OXR1: variants seen among roughly 807,000 people sequenced by gnomAD.
OXR1 encodes the protein oxidation resistance 1.
In OXR1, 41 loss-of-function variants were observed where a neutral mutation model predicts 104.6. The ratio of observed to expected loss-of-function variants is 0.39; its 90% confidence interval spans 0.31 to 0.51. The LOEUF (loss-of-function observed/expected upper bound fraction) is 0.51. OXR1 is among the 20% of genes least tolerant of loss of function. The pLI is 0.77. For synonymous variants in OXR1, 348 were observed against 348.4 expected (o/e 1.00, Z 0.01); for missense variants, 955 against 1,031.9 (o/e 0.93, Z 1.02).
chr8:106,630,076 G>T (rs1003560160), intron 3 of OXR1, among the ~76,000 whole-genome samples: 2 of 152,100 alleles, frequency 1.3e-5, no homozygotes, highest in Admixed American at 6.5e-5. Flanking sequence ...GGGAGATTGT[G>T]GCTTAGCTTT....
At chr8:106,317,806 A>AAC (rs1554622293) in intron 1 of OXR1, among the ~76,000 whole-genome samples, 1 of 151,824 alleles carries the variant, frequency 6.6e-6, no homozygotes, top group African/African-American at 2.4e-5. Flanking sequence ...AAAAAAAAAA[A>AAC]CAAAAAGGAG....
At chr8:106,633,309 C>T (rs1822862519) in intron 3 of OXR1, among the ~76,000 whole-genome samples, 2 of 152,026 alleles carry the variant, frequency 1.3e-5, no homozygotes, top group South Asian at 4.1e-4. Flanking sequence ...AAAAACACTA[C>T]AAAATTATGT....
intron 3 of OXR1, among the ~76,000 whole-genome samples, chr8:106,628,896 G>A (rs3134133): frequency 0.35 from 52,714 of 152,032 alleles, 9,563 homozygotes; most frequent in African/African-American, 0.44. Flanking sequence ...CAGACTCCAA[G>A]GATAATTTTA....
chr8:106,270,952 G>A (rs910104902), intron 1 of OXR1, among the ~76,000 whole-genome samples: 4 of 152,112 alleles, frequency 2.6e-5, no homozygotes, highest in African/African-American at 9.7e-5. Flanking sequence ...AGGCTAGGGG[G>A]CACATCATGA....
At chr8:106,475,028 T>C (rs1240039692) in intron 2 of OXR1, among the ~76,000 whole-genome samples, 1 of 151,916 alleles carries the variant, frequency 6.6e-6, no homozygotes, top group Non-Finnish European at 1.5e-5. Flanking sequence ...AAGGAAAATA[T>C]AGTACTAGTA....
chr8:106,721,943 T>C (rs1016193308), intron 11 of OXR1, among the ~76,000 whole-genome samples: 1 of 152,190 alleles, frequency 6.6e-6, no homozygotes, highest in African/African-American at 2.4e-5. Flanking sequence ...TTTTCACAGC[T>C]ATCATTAAGT....
chr8:106,609,935 GTA>G (rs1820690516), intron 3 of OXR1, among the ~76,000 whole-genome samples: 1 of 152,026 alleles, frequency 6.6e-6, no homozygotes, highest in Admixed American at 6.6e-5. Context: ...TAGGTAAAGA[GTA>G]TATGTTTTTC....
At chr8:106,570,303 A>G (rs1488123404) in intron 3 of OXR1, among the ~76,000 whole-genome samples, 1 of 152,150 alleles carries the variant, frequency 6.6e-6, no homozygotes, top group African/African-American at 2.4e-5. Context: ...TATTTTCTGT[A>G]TTGCATAGTG....
chr8:106,711,343 A>G (rs1318100606), intron 10 of OXR1, among the ~76,000 whole-genome samples: 2 of 152,122 alleles, frequency 1.3e-5, no homozygotes, highest in Admixed American at 6.6e-5. Context: ...GAACTGAAAC[A>G]TTATAACAAC....
intron 2 of OXR1, among the ~76,000 whole-genome samples, chr8:106,488,191 T>C (rs1810822801): frequency 7.1e-6 from 1 of 141,216 alleles, no homozygotes; most frequent in Non-Finnish European, 1.5e-5. Context: ...GAGCATTTTT[T>C]CATGTGTTTT....
chr8:106,542,083 C>T (rs112260981), intron 3 of OXR1, among the ~76,000 whole-genome samples: 66 of 152,240 alleles, frequency 4.3e-4, no homozygotes, highest in Non-Finnish European at 7.8e-4. Context: ...AGCTGTGCTC[C>T]ATGTCACTGC....
Position 106,623,630 on chromosome 8 carries a change from T to C in OXR1, c.221-55580T>C, listed in dbSNP as rs1821907597. Among the ~76,000 whole-genome samples, 4 of 151,946 alleles carry C rather than the reference T, an allele frequency of 2.6e-5. 1 individual carries two copies. The highest frequency in any genetic ancestry group is 2.6e-4 in the Admixed American group (4 of 15,246). ...TTGTGGGGCAGGTGAATAGTAGTGG[T>C]GGAAAGGGATTGAAGAACTGGAGAC... On this transcript the variant is annotated intron_variant, in intron 3 of 16. Transcript: ENST00000517566.
intron 2 of OXR1, among the ~76,000 whole-genome samples, chr8:106,505,913 C>G (rs1417069709): frequency 1.3e-5 from 2 of 152,204 alleles, no homozygotes; most frequent in Non-Finnish European, 2.9e-5. Flanking sequence ...AATGCTTGCT[C>G]TGGTTGCTAT....
At chr8:106,593,450 T>C (rs1009520765) in intron 3 of OXR1, among the ~76,000 whole-genome samples, 1 of 152,238 alleles carries the variant, frequency 6.6e-6, no homozygotes, top group Non-Finnish European at 1.5e-5. Flanking sequence ...AGTATACACA[T>C]AGTAGATATT....
intron 2 of OXR1, among the ~76,000 whole-genome samples, chr8:106,441,556 T>C (rs1819784512): frequency 6.6e-6 from 1 of 152,058 alleles, no homozygotes; most frequent in African/African-American, 2.4e-5. Flanking sequence ...GAGGATGGAG[T>C]GTTTTTCCAT....
chr8:106,340,668 C>T (rs889826255), intron 1 of OXR1, among the ~76,000 whole-genome samples: 11 of 152,206 alleles, frequency 7.2e-5, no homozygotes, highest in South Asian at 4.1e-4. Context: ...GTGACAATTG[C>T]GGTGAAACAG....
chr8:106,674,225 C>A (rs981354185), intron 3 of OXR1, among the ~76,000 whole-genome samples: 5 of 152,212 alleles, frequency 3.3e-5, no homozygotes, highest in Admixed American at 1.3e-4. Context: ...TGCTCAAGGC[C>A]ATGGGAGCTC....
In OXR1 at chr8:106,355,476, C is replaced by G. The variant is rs74948091; in HGVS notation, c.-138-4000C>G. 2.9e-3 allele frequency among the ~76,000 whole-genome samples: 440 copies of G among 151,982 alleles called. 2 individuals are homozygous for G. The highest frequency in any genetic ancestry group is 4.3e-3 in the Non-Finnish European group (293 of 67,914). On this transcript the variant is annotated intron_variant, in intron 1 of 16. Coordinates refer to ENST00000517566, the MANE Select transcript of OXR1 (RefSeq NM_001198533.2). ...TCACGTCATAAAAAAGTAAATATAA[C>G]AGGCTTTTTAATTTTTTTCAACTCA...
chr8:106,311,963 T>C (rs1813719020), intron 1 of OXR1, among the ~76,000 whole-genome samples: 1 of 152,128 alleles, frequency 6.6e-6, no homozygotes, highest in African/African-American at 2.4e-5. Flanking sequence ...ATTGTTCTTT[T>C]GGGCCTCTGA....
Sources: allele counts gnomAD v4.1 joint callset (sites outside exome capture counted in the v4.1 genomes callset), GRCh38; gene constraint gnomAD v4.1.1; transcripts MANE v1.5; gene names NCBI Gene and HGNC (gene_info 2026-07-23, HGNC 2026-07-21).